DPH6: variants seen among roughly 807,000 people sequenced by gnomAD.
DPH6 encodes the protein diphthamine biosynthesis 6.
Under a neutral mutation model 38.2 loss-of-function variants are expected in DPH6, and 33 were observed. That is an observed-to-expected ratio of 0.86 (90% CI 0.65 to 1.15). DPH6 has a LOEUF of 1.15. Among genes scored for constraint, DPH6 ranks in the 50% most tolerant of loss-of-function variants. The pLI is 0.00. For synonymous variants in DPH6, 108 were observed against 103.0 expected, an observed-to-expected ratio of 1.05 and a Z score of -0.30; for missense variants, 325 against 320.0, an observed-to-expected ratio of 1.02 and a Z score of -0.12.
chr15:35,176,042 A>C, the DPH6 span, among the ~76,000 whole-genome samples: 11 of 152,356 alleles, frequency 7.2e-5, no homozygotes, highest in East Asian at 2.1e-3. Context: ...CTGGCATTTC[A>C]ACTGTGAAGA....
intron 3 of DPH6, among the ~76,000 whole-genome samples, chr15:35,236,173 T>C (rs1251764028): frequency 6.6e-6 from 1 of 152,244 alleles, no homozygotes; most frequent in Non-Finnish European, 1.5e-5. Flanking sequence ...AATTATTTCA[T>C]TTTGTAAAGT....
intron 3 of DPH6, among the ~76,000 whole-genome samples, chr15:35,291,539 CTCT>C (rs1045501034): frequency 6.6e-6 from 1 of 152,058 alleles, no homozygotes; most frequent in Non-Finnish European, 1.5e-5. Flanking sequence ...TAATTTTTGG[CTCT>C]TCTTTCATAT....
intron 8 of DPH6, 143 bp downstream of exon 8, chr15:35,373,378 A>C: frequency 1.7e-6 from 1 of 603,684 alleles, no homozygotes; most frequent in Non-Finnish European, 2.8e-6. Flanking sequence ...TTAGTTATTG[A>C]CTGAGGAGCT....
At chr15:35,521,611 T>C in intron 3 of DPH6, 3 of 1,229,434 alleles carry the variant, frequency 2.4e-6, no homozygotes, top group Non-Finnish European at 3.0e-6. Context: ...TACCACAGGA[T>C]GACTACAAAA....
chr15:35,304,045 C>CT (rs2052071822), intron 3 of DPH6, among the ~76,000 whole-genome samples: 1 of 151,992 alleles, frequency 6.6e-6, no homozygotes, highest in African/African-American at 2.4e-5. Flanking sequence ...TTTCTGATTT[C>CT]TTATAGTCTT....
intron 3 of DPH6, among the ~76,000 whole-genome samples, chr15:35,284,801 A>T (rs1170630992): frequency 1.3e-4 from 10 of 79,212 alleles, no homozygotes; most frequent in African/African-American, 2.9e-4. Context: ...AAGTCTCCAA[A>T]TTTTTTTTTT....
chr15:35,343,949 GC>G (rs1426525573), intron 3 of DPH6, among the ~76,000 whole-genome samples: 1 of 151,888 alleles, frequency 6.6e-6, no homozygotes, highest in East Asian at 1.9e-4. Flanking sequence ...CACAAAGGAG[GC>G]CACTCAACTA....
chr15:35,213,661 T>G (rs1178280412), downstream of DPH6, among the ~76,000 whole-genome samples: 1 of 152,174 alleles, frequency 6.6e-6, no homozygotes, highest in Non-Finnish European at 1.5e-5. Context: ...TAATATTTCT[T>G]GGCCTTGCTT....
intron 3 of DPH6, among the ~76,000 whole-genome samples, chr15:35,358,568 T>C (rs980755204): frequency 6.6e-6 from 1 of 152,190 alleles, no homozygotes; most frequent in Non-Finnish European, 1.5e-5. Flanking sequence ...TTTTGTCCCA[T>C]GGGGTGTTCC....
intron 3 of DPH6, among the ~76,000 whole-genome samples, chr15:35,260,917 T>C (rs1025023346): frequency 6.6e-6 from 1 of 152,336 alleles, no homozygotes; most frequent in South Asian, 2.1e-4. Flanking sequence ...TATTCATTAA[T>C]TTTTCTTGAA....
intron 3 of DPH6, among the ~76,000 whole-genome samples, chr15:35,483,354 C>G (rs1248134694): frequency 6.6e-6 from 1 of 151,876 alleles, no homozygotes; most frequent in East Asian, 1.9e-4. Flanking sequence ...ATCCCAGCTA[C>G]TCAAGAGGCT....
At chr15:35,384,818 T>A (rs2052925784) in intron 6 of DPH6, among the ~76,000 whole-genome samples, 1 of 152,024 alleles carries the variant, frequency 6.6e-6, no homozygotes, top group African/African-American at 2.4e-5. Flanking sequence ...GAAACTATCA[T>A]CAGAGTGAAC....
intron 3 of DPH6, among the ~76,000 whole-genome samples, chr15:35,297,606 T>C (rs1282600149): frequency 6.6e-6 from 1 of 152,110 alleles, no homozygotes; most frequent in Admixed American, 6.6e-5. Flanking sequence ...TCTCTCCTCT[T>C]CACTTCTCTA....
intron 3 of DPH6, among the ~76,000 whole-genome samples, chr15:35,316,323 C>T (rs1253098189): frequency 1.3e-5 from 2 of 152,024 alleles, no homozygotes; most frequent in African/African-American, 2.4e-5. Flanking sequence ...ATCTGTTATG[C>T]ATCAAGAAAA....
the DPH6 span, among the ~76,000 whole-genome samples, chr15:35,145,100 A>G: frequency 6.6e-6 from 1 of 152,132 alleles, no homozygotes; most frequent in African/African-American, 2.4e-5. Flanking sequence ...TAGATTATTG[A>G]TTAAAATAAG....
rs149665566 is a variant in DPH6 at position 35,230,673 on chromosome 15, G to C, written n.201-10091C>G. On this transcript the variant is annotated intron_variant and non_coding_transcript_variant, in intron 3 of 3. Coordinates refer to the DPH6 transcript ENST00000560386. ...ACCCAAGGCCCTCAACATAGTACCT[G>C]GGTATTGCTGCTGGTTATTCAGGGC... is the stretch of plus-strand genomic sequence containing the variant. Among the ~76,000 whole-genome samples the C allele has an allele frequency of 1.3e-3, 194 of 152,312 alleles. 1 individual carries two copies. The highest frequency in any genetic ancestry group is 4.4e-3 in the African/African-American group (185 of 41,574).
chr15:35,237,275 GTTA>G lies in DPH6; in HGVS notation n.201-16696_201-16694del. The stretch of plus-strand genomic sequence containing the variant: ...TGAAAGTGCTAAAACGCGCGGCCGT[GTTA>G]TTGATTGAATTCCAGCGGCGCGGGA... On this transcript the variant is annotated intron_variant and non_coding_transcript_variant, in intron 3 of 3. Coordinates refer to the DPH6 transcript ENST00000560386. 7 of 1,503,824 alleles carry G rather than the reference GTTA, an allele frequency of 4.7e-6. No homozygotes were observed. In the South Asian group the frequency reaches 5.6e-5, roughly 12 times the overall value. The allele number at this position is 1,503,824 out of a possible 1,614,324, so 93.2% of individuals were successfully genotyped here. A position where few individuals can be genotyped will look rare whatever the true frequency, so the allele number is the denominator to read the frequency against.
intron 5 of DPH6, among the ~76,000 whole-genome samples, chr15:35,446,605 C>A (rs144265862): frequency 2.2e-4 from 34 of 152,220 alleles, no homozygotes; most frequent in African/African-American, 7.5e-4. Context: ...ATACAACATG[C>A]AAAATGTGTT....
At chr15:35,356,431 TTGA>T (rs1056242504) in intron 3 of DPH6, among the ~76,000 whole-genome samples, 16 of 152,232 alleles carry the variant, frequency 1.1e-4, no homozygotes, top group African/African-American at 3.6e-4. Context: ...CCTTTGGTCT[TTGA>T]TGATGGTGAC....
Sources: gnomAD v4.1 joint callset for allele counts (sites outside exome capture counted in the v4.1 genomes callset) on GRCh38, gnomAD v4.1.1 for gene constraint, MANE v1.5 for transcripts, NCBI Gene and HGNC (gene_info 2026-07-23, HGNC 2026-07-21) for gene names.